The following AP4E1 variants were observed in gnomAD, a reference collection of about 807,000 sequenced individuals.
The protein encoded by AP4E1 is AP-4 complex subunit epsilon-1.
Under a neutral mutation model 128.2 loss-of-function variants are expected in AP4E1, and 56 were observed. That is an observed-to-expected ratio of 0.44 (90% CI 0.35 to 0.55). The LOEUF is 0.55. Ranked by LOEUF, AP4E1 falls within the 20% of genes least tolerant of loss-of-function variation. The probability of loss-of-function intolerance (pLI) is 0.00; values close to 1 mark genes in which losing one functional copy is unlikely to be tolerated. For missense variants in AP4E1, 1,324 were observed against 1,307.7 expected (o/e 1.01, Z -0.19); for synonymous variants, 484 against 473.1 (o/e 1.02, Z -0.30).
Position 51,001,126 on chromosome 15 carries a change from C to T in AP4E1, c.3196C>T (p.Pro1066Ser), listed in dbSNP as rs1369840406. Residue 1066 changes from proline to serine, a missense_variant, in exon 20 of 21, where the codon CCT becomes TCT. Transcript: ENST00000261842. ...VKMSESQAAL[P>S]SALKTLQQKL... ...AATGTCAGAATCTCAAGCTGCACTT[C>T]CTTCTGCACTAAAGACTCTGCAACA... 4 of 1,613,506 alleles carry T rather than the reference C, an allele frequency of 2.5e-6. No individual in the cohort carries two copies. The highest frequency in any genetic ancestry group is 1.6e-4 in the Middle Eastern group (1 of 6,080).
At chr15:50,993,961 A>G (rs1419301998) in intron 17 of AP4E1, among the ~76,000 whole-genome samples, 1 of 152,248 alleles carries the variant, frequency 6.6e-6, no homozygotes, top group Non-Finnish European at 1.5e-5. Flanking sequence ...GGGGATGAAT[A>G]ATAATCGTTC....
In AP4E1 at chr15:50,923,971, A is replaced by G. The variant is rs2063738865; in HGVS notation, c.387A>G (p.Glu129=). 6.2e-7 allele frequency: 1 copy of G among 1,611,992 alleles called. No homozygotes were observed. The highest frequency in any genetic ancestry group is 1.1e-5 in the South Asian group (1 of 91,044). The stretch of plus-strand genomic sequence containing the variant: ...CCTTATTTCTACATGAAAGTCATGA[A>G]TTATTGCTTCTCCTTGTGAATACAG... The part of the protein sequence containing the change: ...AVSLFLHESH[E]LLLLLVNTVV... The change falls in exon 4 of 21, where the codon GAA becomes GAG. Residue 129 remains glutamate, a synonymous_variant. Coordinates refer to ENST00000261842, the MANE Select transcript of AP4E1 (RefSeq NM_007347.5).
At chr15:50,958,399 T>C (rs2064260756) in intron 13 of AP4E1, 93 bp from the exon 14 acceptor site, 2 of 1,041,132 alleles carry the variant, frequency 1.9e-6, no homozygotes, top group African/African-American at 3.2e-5. Context: ...TACTTTAAAT[T>C]CACTCTAGCA....
intron 13 of AP4E1, 100 bp downstream of exon 13, chr15:50,950,269 C>A: frequency 1.3e-6 from 1 of 781,858 alleles, no homozygotes; most frequent in Non-Finnish European, 2.0e-6. Context: ...ACTCAGCTAA[C>A]TCCTTCAGCT....
At chr15:50,984,815 A>G (rs1360558616) in intron 16 of AP4E1, among the ~76,000 whole-genome samples, 1 of 152,156 alleles carries the variant, frequency 6.6e-6, no homozygotes, top group East Asian at 1.9e-4. Context: ...TCCTTTGGGT[A>G]TATACCCAGT....
intron 19 of AP4E1, among the ~76,000 whole-genome samples, chr15:50,999,756 G>T (rs2064933776): frequency 6.6e-6 from 1 of 151,840 alleles, no homozygotes; most frequent in Non-Finnish European, 1.5e-5. Context: ...CAATGTGTAG[G>T]TTAGTTACAT....
At chr15:50,911,064 A>G (rs1269382926) in intron 1 of AP4E1, among the ~76,000 whole-genome samples, 2 of 152,262 alleles carry the variant, frequency 1.3e-5, no homozygotes, top group Admixed American at 6.5e-5. Context: ...TTGGTCTTAA[A>G]TAGCAGTTTG....
In AP4E1 at chr15:50,949,793, T is replaced by A. The variant is rs2064119346; in HGVS notation, c.1317-33T>A. 5 of 1,473,654 alleles carry A rather than the reference T, an allele frequency of 3.4e-6. No homozygotes were observed. The Admixed American group carries it at 8.4e-5, about 25-fold the overall frequency. 91.3% of individuals were successfully genotyped at this position (1,473,654 alleles called of 1,614,324 possible). The stretch of plus-strand genomic sequence containing the variant: ...AAGGGTAATTTTAATAAGTAGCATT[T>A]GGAAGTGTACTTGTTCTTAACACTG... On this transcript the variant is annotated intron_variant, in intron 11 of 20. Coordinates refer to ENST00000261842, the MANE Select transcript of AP4E1 (RefSeq NM_007347.5).
intron 5 of AP4E1, among the ~76,000 whole-genome samples, chr15:50,927,671 CT>C (rs879350677): frequency 1.9e-4 from 27 of 145,204 alleles, no homozygotes; most frequent in Non-Finnish European, 1.8e-4. Flanking sequence ...CTTTTCTTTT[CT>C]TTTTTTTTTT....
chr15:50,946,327 G>T (rs1323565662), intron 10 of AP4E1, among the ~76,000 whole-genome samples: 1 of 151,932 alleles, frequency 6.6e-6, no homozygotes, highest in African/African-American at 2.4e-5. Context: ...AAGACCAAAC[G>T]TCTCTTATGT....
At position 50,911,551 on chromosome 15, in the gene AP4E1, C is replaced by T. The variant is rs116676679; in HGVS notation, c.151-527C>T. Among the ~76,000 whole-genome samples the T allele has an allele frequency of 3.0e-3, 436 of 146,814 alleles. 3 individuals are homozygous for T. The highest frequency in any genetic ancestry group is 0.01 in the African/African-American group (406 of 39,468). On this transcript the variant is annotated intron_variant, in intron 1 of 20. Transcript: ENST00000261842. ...AGGCTGGAGTGCAGTGGTACGATCT[C>T]GGCTCACTGCAACATTCACTTCCCG...
chr15:50,938,960 A>G (rs556011830), intron 8 of AP4E1, among the ~76,000 whole-genome samples: 2 of 152,364 alleles, frequency 1.3e-5, no homozygotes, highest in East Asian at 3.9e-4. Flanking sequence ...AGTAAACTCT[A>G]TTCTGAGGGA....
chr15:50,996,727 C>G (rs1379096231), intron 17 of AP4E1, among the ~76,000 whole-genome samples: 1 of 152,164 alleles, frequency 6.6e-6, no homozygotes, highest in Non-Finnish European at 1.5e-5. Context: ...AAGTTTGGAC[C>G]AACGATGTCA....
At chr15:50,962,607 A>C (rs547596092) in intron 14 of AP4E1, among the ~76,000 whole-genome samples, 3 of 152,132 alleles carry the variant, frequency 2.0e-5, no homozygotes, top group Admixed American at 1.3e-4. Context: ...TCAACCCACA[A>C]TGAATTAAAG....
intron 14 of AP4E1, among the ~76,000 whole-genome samples, chr15:50,963,663 A>G (rs2064347399): frequency 6.6e-6 from 1 of 152,216 alleles, no homozygotes. Flanking sequence ...GGGTGACTAT[A>G]GTTAGTAATA....
chr15:50,971,509 T>C (rs1464308514), intron 15 of AP4E1, among the ~76,000 whole-genome samples: 2 of 152,202 alleles, frequency 1.3e-5, no homozygotes, highest in South Asian at 2.1e-4. Context: ...GAAAGTTTCC[T>C]GCTATTATTT....
In AP4E1 at chr15:50,944,922, G is replaced by C. The variant is rs898013386; in HGVS notation, c.1177-3098G>C. The C allele has an allele frequency of 1.4e-5, 11 of 801,556 alleles. No homozygotes were observed. In the African/African-American group the frequency reaches 1.5e-4, roughly 11 times the overall value. 49.7% of individuals were successfully genotyped at this position (801,556 alleles called of 1,614,324 possible). ...GGCTACTGTCCTTTCTGGGGCGTGT[G>C]ATGGAGAGGTTAGAATTTGGAACCT... On this transcript the variant is annotated intron_variant, in intron 10 of 20. Transcript: ENST00000261842.
chr15:50,913,349 A>G (rs1221199078), intron 2 of AP4E1, among the ~76,000 whole-genome samples: 1 of 152,222 alleles, frequency 6.6e-6, no homozygotes, highest in Non-Finnish European at 1.5e-5. Flanking sequence ...TTTGTTTGTT[A>G]GATTTCCATT....
chr15:50,941,836 A>C (rs1303829880), intron 10 of AP4E1, 61 bp downstream of exon 10: 2 of 1,294,490 alleles, frequency 1.5e-6, no homozygotes, highest in African/African-American at 2.9e-5. Context: ...TTTTGTTGGC[A>C]TTGTGTAGAG....
Sources: allele counts gnomAD v4.1 joint callset (sites outside exome capture counted in the v4.1 genomes callset), GRCh38; gene constraint gnomAD v4.1.1; transcripts MANE v1.5; gene names NCBI Gene and HGNC (gene_info 2026-07-23, HGNC 2026-07-21).